Variants in RAVER2 observed in about 807,000 individuals in gnomAD.
RAVER2 encodes the protein ribonucleoprotein, PTB binding 2.
A neutral mutation model predicts 78.1 loss-of-function variants in RAVER2; 46 were observed. The observed-to-expected ratio is 0.59, with a 90% confidence interval of 0.46 to 0.75. The LOEUF (loss-of-function observed/expected upper bound fraction) is 0.75. RAVER2 is among the 30% of genes least tolerant of loss of function. The pLI is 0.00. For missense variants in RAVER2, 793 were observed against 837.5 expected, an observed-to-expected ratio of 0.95 and a Z score of 0.66; for synonymous variants, 311 against 313.3, an observed-to-expected ratio of 0.99 and a Z score of 0.08.
At chr1:64,788,919 G>A (rs1391428555) in intron 4 of RAVER2, among the ~76,000 whole-genome samples, 2 of 152,060 alleles carry the variant, frequency 1.3e-5, no homozygotes, top group South Asian at 2.1e-4. Context: ...ATGTCACCCA[G>A]GCTGATCTTG....
chr1:64,748,568 G>A (rs1651607389), intron 1 of RAVER2, among the ~76,000 whole-genome samples: 1 of 152,164 alleles, frequency 6.6e-6, no homozygotes, highest in Non-Finnish European at 1.5e-5. Flanking sequence ...GAAGTTTTGT[G>A]TTCTGTCTGA....
At chr1:64,758,659 A>G (rs1311721335) in intron 1 of RAVER2, among the ~76,000 whole-genome samples, 1 of 152,170 alleles carries the variant, frequency 6.6e-6, no homozygotes, top group Non-Finnish European at 1.5e-5. Context: ...TAACTACCTT[A>G]GTGAGTGGAA....
Position 64,745,233 on chromosome 1 carries a change from G to A in RAVER2, c.61G>A (p.Gly21Arg). The change falls in exon 1 of 12, where the codon GGG becomes AGG. Residue 21 changes from glycine to arginine, a missense_variant. Coordinates refer to ENST00000294428, the Ensembl canonical transcript of RAVER2. This position sits in a 1 kb window ranked among gnomAD's most constrained non-coding sequence, Gnocchi z 4.3. ...GGGCGCGGGCCTGGGCAGCGCGGCG[G>A]GGCTGGGGCCGGGGCCGGGGCTGCG... 8.9e-7 allele frequency: 1 copy of A among 1,119,902 alleles called. No individual in the cohort carries two copies. Among genetic ancestry groups the A allele is most frequent in the Admixed American group, 5.2e-5 (1 of 19,384 alleles). 69.4% of individuals were successfully genotyped at this position (1,119,902 alleles called of 1,614,324 possible). A position where few individuals can be genotyped will look rare whatever the true frequency, so the allele number is the denominator to read the frequency against.
chr1:64,790,715 G>A (rs572511119), intron 5 of RAVER2, among the ~76,000 whole-genome samples: 31 of 152,302 alleles, frequency 2.0e-4, no homozygotes, highest in African/African-American at 7.0e-4. Context: ...GGGGTTCTTG[G>A]AACATATCGC....
intron 11 of RAVER2, among the ~76,000 whole-genome samples, chr1:64,827,439 T>C (rs1313779313): frequency 6.6e-6 from 1 of 152,172 alleles, no homozygotes; most frequent in African/African-American, 2.4e-5. Flanking sequence ...ACTTGGATTG[T>C]AGTTCCAAAG....
At chr1:64,802,844 A>G in intron 5 of RAVER2, 132 bp from the exon 6 acceptor site, 1 of 521,976 alleles carries the variant, frequency 1.9e-6, no homozygotes, top group Middle Eastern at 5.3e-4. Flanking sequence ...TGACAAGGTC[A>G]CTATATCATT....
intron 11 of RAVER2, among the ~76,000 whole-genome samples, chr1:64,826,545 T>C (rs1325644437): frequency 6.6e-6 from 1 of 152,064 alleles, no homozygotes; most frequent in Admixed American, 6.6e-5. Context: ...AAGTGGAGAA[T>C]AGGAGATGAT....
chr1:64,766,972 A>T (rs2100821010), intron 1 of RAVER2, among the ~76,000 whole-genome samples: 1 of 152,268 alleles, frequency 6.6e-6, no homozygotes, highest in African/African-American at 2.4e-5. Flanking sequence ...TAATCTTTAT[A>T]ATTGAGCATA....
At chr1:64,818,274 C>A (rs544080178) in intron 11 of RAVER2, among the ~76,000 whole-genome samples, 2 of 152,278 alleles carry the variant, frequency 1.3e-5, no homozygotes, top group African/African-American at 4.8e-5. Flanking sequence ...CGGTGGCTCA[C>A]ACCTGTAATC....
At chr1:64,748,767 A>C (rs1474334381) in intron 1 of RAVER2, among the ~76,000 whole-genome samples, 1 of 152,208 alleles carries the variant, frequency 6.6e-6, no homozygotes, top group African/African-American at 2.4e-5. Flanking sequence ...AAATGATAGG[A>C]CAGCAGTCTA....
chr1:64,794,397 CAA>C (rs60233578), intron 5 of RAVER2, among the ~76,000 whole-genome samples: 11 of 59,960 alleles, frequency 1.8e-4, no homozygotes, highest in East Asian at 6.3e-4. Flanking sequence ...GACTCCGTCT[CAA>C]AAAAAAAAAA....
At chr1:64,807,944 T>TTAC (rs996233989) in intron 9 of RAVER2, among the ~76,000 whole-genome samples, 1 of 152,210 alleles carries the variant, frequency 6.6e-6, no homozygotes, top group African/African-American at 2.4e-5. Context: ...GCTTATTCGC[T>TTAC]TACGTAGTAA....
exon 6 of RAVER2, chr1:64,803,019 A>G: frequency 6.2e-7 from 1 of 1,609,908 alleles, no homozygotes; most frequent in Middle Eastern, 1.7e-4. Context: ...TGATGAATCC[A>G]TCCATCTCTC....
intron 1 of RAVER2, among the ~76,000 whole-genome samples, chr1:64,755,724 G>GTT (rs753375050): frequency 0.14 from 8,191 of 60,628 alleles, 2,301 homozygotes; most frequent in African/African-American, 0.19. Flanking sequence ...ATGCTTCATA[G>GTT]TTTTTTTTTT....
At chr1:64,777,490 G>A (rs1652497843) in intron 2 of RAVER2, 133 bp from the exon 3 acceptor site, 2 of 679,790 alleles carry the variant, frequency 2.9e-6, no homozygotes, top group African/African-American at 1.8e-5. Flanking sequence ...CATATAGTAG[G>A]GGTATTAACT....
At chr1:64,780,425 G>A (rs1652596861) in intron 3 of RAVER2, among the ~76,000 whole-genome samples, 1 of 152,106 alleles carries the variant, frequency 6.6e-6, no homozygotes, top group Non-Finnish European at 1.5e-5. Flanking sequence ...GGAAAAGATA[G>A]AAATTTGATC....
At chr1:64,797,536 T>C (rs1653128760) in intron 5 of RAVER2, among the ~76,000 whole-genome samples, 1 of 152,224 alleles carries the variant, frequency 6.6e-6, no homozygotes, top group African/African-American at 2.4e-5. Context: ...TTAATCATAA[T>C]TTTGGGTTTG....
intron 4 of RAVER2, among the ~76,000 whole-genome samples, chr1:64,788,899 G>A (rs1048024835): frequency 2.0e-5 from 3 of 151,996 alleles, no homozygotes; most frequent in Non-Finnish European, 2.9e-5. Context: ...TATAGAAACA[G>A]GGTTTCAATA....
intron 11 of RAVER2, among the ~76,000 whole-genome samples, chr1:64,829,338 T>A (rs181748764): frequency 1.3e-5 from 2 of 152,154 alleles, no homozygotes; most frequent in Non-Finnish European, 2.9e-5. Flanking sequence ...AAAATCTCAC[T>A]TGTAGAATGG....
Sources: allele counts gnomAD v4.1 joint callset (sites outside exome capture counted in the v4.1 genomes callset), GRCh38; gene constraint gnomAD v4.1.1; non-coding constraint Gnocchi (gnomAD v3.1); transcripts MANE v1.5; gene names NCBI Gene and HGNC (gene_info 2026-07-23, HGNC 2026-07-21).